Variants in RAPGEF5 observed in about 807,000 individuals in gnomAD.
RAPGEF5 encodes the protein M-Ras-regulated GEF.
A neutral mutation model predicts 125.2 loss-of-function variants in RAPGEF5; 65 were observed. The observed-to-expected ratio is 0.52, with a 90% CI of 0.43 to 0.64. The LOEUF is 0.64. RAPGEF5 is among the 30% of genes least tolerant of loss of function. RAPGEF5 has a pLI of 0.00. For synonymous variants in RAPGEF5, 391 were observed against 385.9 expected (o/e 1.01, Z -0.16); for missense variants, 958 against 1,048.1 (o/e 0.91, Z 1.19).
rs537954162 is a variant in RAPGEF5, at chr7:22,242,947, CA to C, written c.797-12029del. 5.1e-3 allele frequency among the ~76,000 whole-genome samples: 336 copies of C among 65,760 alleles called. 2 individuals carry two copies. Among genetic ancestry groups the C allele is most frequent in the Admixed American group, 0.017 (95 of 5,726 alleles). 43.1% of individuals were successfully genotyped at this position (65,760 alleles called of 152,430 possible). ...AGGCAACAAGAGTGAAACTCCGTCT[CA>C]AAAAAAAAAAAAAAAAAGAAAGAAA... On this transcript the variant is annotated intron_variant, in intron 7 of 25. Coordinates refer to ENST00000665637, the MANE Select transcript of RAPGEF5 (RefSeq NM_012294.5).
Position 22,174,242 on chromosome 7 carries a change from CTAT to C in RAPGEF5, c.1205-7097_1205-7095del, listed in dbSNP as rs540524743. On this transcript the variant is annotated intron_variant, in intron 11 of 25. Transcript: ENST00000665637. ...CAATCCGCCAACAAAAACTTGAGAACTATGAATTTCCAAGAAGAATTGGAGGAG... is the reference window on the plus strand; with the variant it reads ...CAATCCGCCAACAAAAACTTGAGAACGAATTTCCAAGAAGAATTGGAGGAG... 1.4e-4 allele frequency among the ~76,000 whole-genome samples: 22 copies of C among 152,240 alleles called. No homozygotes were observed. The South Asian group carries it at 4.6e-3, about 32-fold the overall frequency.
At chr7:22,206,025 T>G (rs1223718203) in intron 9 of RAPGEF5, among the ~76,000 whole-genome samples, 4 of 152,172 alleles carry the variant, frequency 2.6e-5, no homozygotes, top group Non-Finnish European at 4.4e-5. Flanking sequence ...TCCTGAGTAA[T>G]CAATTGGTAT....
intron 9 of RAPGEF5, among the ~76,000 whole-genome samples, chr7:22,205,135 C>T (rs1020973013): frequency 2.0e-5 from 3 of 152,186 alleles, no homozygotes; most frequent in South Asian, 2.1e-4. Flanking sequence ...AAAATCCTCA[C>T]GTACAAACCT....
Position 22,160,485 on chromosome 7 carries a change from C to T in RAPGEF5, c.1526+33G>A, listed in dbSNP as rs750125959. 1.1e-5 allele frequency: 17 copies of T among 1,525,830 alleles called. No homozygotes were observed. The Admixed American group carries it at 1.5e-4, about 13-fold the overall frequency. 94.5% of individuals were successfully genotyped at this position (1,525,830 alleles called of 1,614,324 possible). A position where few individuals can be genotyped will look rare whatever the true frequency, so the allele number is the denominator to read the frequency against. ...TATCATATTTGCTGCTGTTTTCTTT[C>T]ATTAACTATAATTAGGAAAATGAAA... is the stretch of plus-strand genomic sequence containing the variant. On this transcript the variant is annotated intron_variant, in intron 14 of 25. Transcript: ENST00000665637.
intron 12 of RAPGEF5, 82 bp downstream of exon 12, chr7:22,166,988 T>C: frequency 8.8e-7 from 1 of 1,135,726 alleles, no homozygotes; most frequent in Admixed American, 1.9e-5. Flanking sequence ...GTTGAATAAA[T>C]TAAGGAAGGC....
chr7:22,261,937 A>G (rs2128140628), intron 7 of RAPGEF5, among the ~76,000 whole-genome samples: 1 of 152,320 alleles, frequency 6.6e-6, no homozygotes, highest in Non-Finnish European at 1.5e-5. Context: ...AATGTAAAAC[A>G]TAAAACTAAA....
At chr7:22,237,977 T>G (rs1280036389) in intron 7 of RAPGEF5, among the ~76,000 whole-genome samples, 1 of 152,104 alleles carries the variant, frequency 6.6e-6, no homozygotes, top group Admixed American at 6.6e-5. Flanking sequence ...CGGATTCTGA[T>G]AGGTAAATGA....
intron 1 of RAPGEF5, among the ~76,000 whole-genome samples, chr7:22,353,284 C>T (rs1304885970): frequency 1.3e-5 from 2 of 152,146 alleles, no homozygotes; most frequent in Non-Finnish European, 2.9e-5. Context: ...CAACTAAATA[C>T]AATATGTGGA....
At chr7:22,180,294 C>G (rs1274088280) in intron 11 of RAPGEF5, among the ~76,000 whole-genome samples, 7 of 152,060 alleles carry the variant, frequency 4.6e-5, no homozygotes, top group Admixed American at 2.6e-4. Context: ...CATGTTGCTC[C>G]CCTGATATTT....
chr7:22,287,427 G>T (rs1432981873), intron 6 of RAPGEF5, among the ~76,000 whole-genome samples: 1 of 152,148 alleles, frequency 6.6e-6, no homozygotes, highest in Non-Finnish European at 1.5e-5. Flanking sequence ...GAACCTAAGA[G>T]GGAACCAGGA....
intron 11 of RAPGEF5, among the ~76,000 whole-genome samples, chr7:22,187,723 C>T (rs182550157): frequency 1.4e-4 from 21 of 152,258 alleles, no homozygotes; most frequent in Non-Finnish European, 2.5e-4. Context: ...CAGGGGCCAG[C>T]GGACATGAGG....
chr7:22,227,587 C>A (rs1245086192), intron 8 of RAPGEF5, among the ~76,000 whole-genome samples: 2 of 152,166 alleles, frequency 1.3e-5, no homozygotes, highest in African/African-American at 4.8e-5. Context: ...CGCCTGTAAT[C>A]TCGGTACCTG....
At chr7:22,165,050 G>A (rs1359237840) in intron 12 of RAPGEF5, among the ~76,000 whole-genome samples, 1 of 151,958 alleles carries the variant, frequency 6.6e-6, no homozygotes, top group East Asian at 1.9e-4. Context: ...TTGTGTTTGT[G>A]GTATTATTTC....
At chr7:22,348,176 C>G (rs1242126224) in intron 1 of RAPGEF5, among the ~76,000 whole-genome samples, 2 of 152,158 alleles carry the variant, frequency 1.3e-5, no homozygotes, top group Non-Finnish European at 1.5e-5. Flanking sequence ...TCTGAATGTG[C>G]ATTTCTTTTG....
chr7:22,336,439 C>T (rs904343555), intron 1 of RAPGEF5, among the ~76,000 whole-genome samples: 2 of 151,952 alleles, frequency 1.3e-5, no homozygotes, highest in Non-Finnish European at 2.9e-5. Context: ...CAGGCTATAC[C>T]CTACTGGGAG....
chr7:22,303,756 G>A (rs890072219), intron 5 of RAPGEF5, among the ~76,000 whole-genome samples: 22 of 152,310 alleles, frequency 1.4e-4, no homozygotes, highest in African/African-American at 5.3e-4. Flanking sequence ...AGAATGACAT[G>A]GAAGCATGGA....
At chr7:22,188,894 C>T (rs139634023) in intron 11 of RAPGEF5, among the ~76,000 whole-genome samples, 3,543 of 151,454 alleles carry the variant, frequency 0.023, 53 homozygotes, top group Middle Eastern at 0.055. Context: ...AGAACAGTAA[C>T]GAACTCACTT....
intron 20 of RAPGEF5, 30 bp downstream of exon 20, chr7:22,145,014 G>A: frequency 3.7e-6 from 6 of 1,603,396 alleles, no homozygotes; most frequent in Non-Finnish European, 5.1e-6. Flanking sequence ...GAAGACTAGA[G>A]GAATGGCACT....
intron 9 of RAPGEF5, among the ~76,000 whole-genome samples, chr7:22,197,651 C>G (rs1247593883): frequency 2.0e-5 from 3 of 152,100 alleles, no homozygotes; most frequent in Non-Finnish European, 2.9e-5. Flanking sequence ...CCTTATAATT[C>G]AGCACTCTCA....
Sources: allele counts gnomAD v4.1 joint callset (sites outside exome capture counted in the v4.1 genomes callset), GRCh38; gene constraint gnomAD v4.1.1; transcripts MANE v1.5; gene names NCBI Gene and HGNC (gene_info 2026-07-23, HGNC 2026-07-21).